NKAIN3: variants seen among roughly 807,000 people sequenced by gnomAD.
NKAIN3 encodes the protein sodium/potassium transporting ATPase interacting 3.
Under a neutral mutation model 30.2 loss-of-function variants are expected in NKAIN3, and 25 were observed. The ratio of observed to expected loss-of-function variants is 0.83; its 90% CI spans 0.60 to 1.16. The LOEUF (loss-of-function observed/expected upper bound fraction) is 1.16. Among genes scored for constraint, NKAIN3 ranks in the 50% most tolerant of loss-of-function variants. NKAIN3 has a pLI of 0.00. For synonymous variants in NKAIN3, 91 were observed against 89.6 expected (o/e 1.02, Z -0.09); for missense variants, 225 against 254.1 (o/e 0.89, Z 0.78).
intron 1 of NKAIN3, among the ~76,000 whole-genome samples, chr8:62,288,590 C>T (rs1357980592): frequency 4.6e-5 from 7 of 152,158 alleles, no homozygotes; most frequent in African/African-American, 7.2e-5. Flanking sequence ...TTTATGGCTG[C>T]ATAGTATTCC....
intron 1 of NKAIN3, among the ~76,000 whole-genome samples, chr8:62,500,487 AG>A (rs61466747): frequency 1.1e-4 from 16 of 139,452 alleles, no homozygotes; most frequent in South Asian, 2.3e-4. Flanking sequence ...GAAAGAAAGA[AG>A]AAAAGAAAGA....
At chr8:62,957,677 A>T (rs1823460794) in intron 6 of NKAIN3, among the ~76,000 whole-genome samples, 1 of 152,186 alleles carries the variant, frequency 6.6e-6, no homozygotes, top group Admixed American at 6.5e-5. Flanking sequence ...AGGCAAAACT[A>T]TGGAGACAGT....
chr8:62,900,998 T>G (rs1243054875), intron 4 of NKAIN3, among the ~76,000 whole-genome samples: 1 of 152,048 alleles, frequency 6.6e-6, no homozygotes, highest in Non-Finnish European at 1.5e-5. Flanking sequence ...TGGAACCCCT[T>G]GAATCCCTGC....
chr8:62,545,572 A>G (rs1334556947), intron 1 of NKAIN3, among the ~76,000 whole-genome samples: 2 of 152,364 alleles, frequency 1.3e-5, no homozygotes, highest in Middle Eastern at 3.4e-3. Context: ...GTCTAAATAA[A>G]TAAATAATGA....
chr8:62,296,936 A>G (rs181084180), intron 1 of NKAIN3, among the ~76,000 whole-genome samples: 1 of 152,220 alleles, frequency 6.6e-6, no homozygotes, highest in Non-Finnish European at 1.5e-5. Context: ...TGCTCATTAT[A>G]GAGACCCAAG....
At chr8:62,266,524 T>G (rs1812606503) in intron 1 of NKAIN3, among the ~76,000 whole-genome samples, 1 of 152,228 alleles carries the variant, frequency 6.6e-6, no homozygotes, top group Admixed American at 6.5e-5. Context: ...TAGCATGAGT[T>G]AGTTTTACAT....
chr8:62,932,932 T>C (rs1822663675), intron 5 of NKAIN3, among the ~76,000 whole-genome samples: 1 of 151,114 alleles, frequency 6.6e-6, no homozygotes, highest in Non-Finnish European at 1.5e-5. Flanking sequence ...GTAGATAAAC[T>C]AGCCATCTCC....
At chr8:62,920,917 G>A (rs1281991646) in intron 5 of NKAIN3, among the ~76,000 whole-genome samples, 1 of 152,144 alleles carries the variant, frequency 6.6e-6, no homozygotes, top group African/African-American at 2.4e-5. Context: ...TCTCAAATGA[G>A]GGTAATTTTA....
intron 3 of NKAIN3, among the ~76,000 whole-genome samples, chr8:62,626,706 G>T (rs941704986): frequency 1.3e-5 from 2 of 152,058 alleles, no homozygotes; most frequent in African/African-American, 4.8e-5. Flanking sequence ...CTATCTTAGG[G>T]TGGTCATAAG....
intron 3 of NKAIN3, among the ~76,000 whole-genome samples, chr8:62,738,359 G>A (rs911667937): frequency 6.6e-6 from 1 of 152,086 alleles, no homozygotes; most frequent in African/African-American, 2.4e-5. Context: ...CAGAAATTTG[G>A]GAGGCTGAGG....
chr8:62,363,928 T>C (rs1469582185), intron 1 of NKAIN3, among the ~76,000 whole-genome samples: 1 of 152,228 alleles, frequency 6.6e-6, no homozygotes, highest in African/African-American at 2.4e-5. Flanking sequence ...GTCCTTAGTC[T>C]CTTTCTATTG....
chr8:62,732,989 T>C (rs1448898875), intron 3 of NKAIN3, among the ~76,000 whole-genome samples: 1 of 152,066 alleles, frequency 6.6e-6, no homozygotes, highest in East Asian at 1.9e-4. Flanking sequence ...TGCTTTCTAT[T>C]CATTGTGATT....
At chr8:62,994,976 G>A (rs543017799) in intron 5 of NKAIN3, among the ~76,000 whole-genome samples, 51 of 152,292 alleles carry the variant, frequency 3.3e-4, no homozygotes, top group Non-Finnish European at 6.2e-4. Context: ...CTAAATATTG[G>A]AGTAGGACTT....
At chr8:62,564,266 G>A (rs763354343) in intron 1 of NKAIN3, among the ~76,000 whole-genome samples, 8 of 152,040 alleles carry the variant, frequency 5.3e-5, no homozygotes, top group Non-Finnish European at 1.2e-4. Context: ...TTTGGCCACA[G>A]TTTGAGTTCA....
chr8:62,892,143 C>T (rs112797072), intron 4 of NKAIN3, among the ~76,000 whole-genome samples: 3,067 of 152,176 alleles, frequency 0.02, 45 homozygotes, highest in Non-Finnish European at 0.032. Flanking sequence ...TTTTATACAA[C>T]CATTTAATTA....
At chr8:62,936,704 A>ACC (rs1222372227) in intron 5 of NKAIN3, among the ~76,000 whole-genome samples, 6 of 152,112 alleles carry the variant, frequency 3.9e-5, no homozygotes, top group Non-Finnish European at 8.8e-5. Flanking sequence ...ACAATTTTAA[A>ACC]CCATTCCATC....
At chr8:62,290,795 A>T (rs1813588234) in intron 1 of NKAIN3, among the ~76,000 whole-genome samples, 2 of 152,192 alleles carry the variant, frequency 1.3e-5, no homozygotes, top group Admixed American at 6.5e-5. Context: ...ATTGATTGGA[A>T]TAATTTCAGA....
At chr8:62,808,254 C>G (rs1818368293) in intron 4 of NKAIN3, among the ~76,000 whole-genome samples, 1 of 152,152 alleles carries the variant, frequency 6.6e-6, no homozygotes, top group South Asian at 2.1e-4. Context: ...GAAGAACATG[C>G]TTTAGTAGTT....
chr8:62,806,312 C>T (rs968762489), intron 4 of NKAIN3, among the ~76,000 whole-genome samples: 9 of 152,112 alleles, frequency 5.9e-5, no homozygotes, highest in Non-Finnish European at 1.3e-4. Flanking sequence ...GGGTATATAC[C>T]GAAAGGACTA....
Sources: allele counts gnomAD v4.1 joint callset (sites outside exome capture counted in the v4.1 genomes callset), GRCh38; gene constraint gnomAD v4.1.1; transcripts MANE v1.5; gene names NCBI Gene and HGNC (gene_info 2026-07-23, HGNC 2026-07-21).